The following ENO4 variants were observed in gnomAD, a reference collection of about 807,000 sequenced individuals.
ENO4 encodes the protein enolase 4, also known as 2-phospho-D-glycerate hydro-lyase.
Under a neutral mutation model 63.2 loss-of-function variants are expected in ENO4, and 53 were observed. The observed-to-expected ratio is 0.84, with a 90% CI of 0.67 to 1.05. The LOEUF (loss-of-function observed/expected upper bound fraction) is 1.05, where lower values mean the gene tolerates loss of function less well. Among genes scored for constraint, ENO4 ranks in the 50% least tolerant of loss-of-function variants. ENO4 has a pLI of 0.00. For synonymous variants in ENO4, 266 were observed against 283.8 expected, an observed-to-expected ratio of 0.94 and a Z score of 0.63; for missense variants, 719 against 772.0, an observed-to-expected ratio of 0.93 and a Z score of 0.81.
In ENO4 at chr10:116,876,115, C is replaced by T. The variant is rs1406323842; in HGVS notation, c.1392C>T (p.Tyr464=). ...SIYHALGSRC[Y]IIAGTASKSI... Reference sequence around the variant, plus strand: ...ATCACGCACTTGGTTCCAGGTGTTACATAATTGCAGGAACTGCTTCCAAAA... The same window carrying T: ...ATCACGCACTTGGTTCCAGGTGTTATATAATTGCAGGAACTGCTTCCAAAA... Residue 464 remains tyrosine, a synonymous_variant, in exon 11 of 14, where the codon TAC becomes TAT. Transcript: ENST00000341276. The T allele has an allele frequency of 1.9e-6, 3 of 1,550,528 alleles. No homozygotes were observed. Among genetic ancestry groups the T allele is most frequent in the Non-Finnish European group, 8.7e-7 (1 of 1,146,952 alleles).
At chr10:116,886,602 G>T (rs1238092726), downstream of ENO4, 1 of 1,609,638 alleles carries the variant, frequency 6.2e-7, no homozygotes. Context: ...AAAGTAAAAA[G>T]CAGAGAGAGA....
chr10:116,849,759 C>T (rs1036609723), intron 1 of ENO4, 28 bp downstream of exon 1: 24 of 1,476,708 alleles, frequency 1.6e-5, no homozygotes, highest in Non-Finnish European at 1.7e-5. Context: ...GCGCTCTCCT[C>T]CCGCCAACCC....
chr10:116,875,968 G>GA, intron 10 of ENO4, 97 bp from the exon 11 acceptor site: 1 of 949,772 alleles, frequency 1.1e-6, no homozygotes, highest in South Asian at 2.4e-5. Context: ...TGCATCTCAG[G>GA]AAAAATGTGT....
Position 116,909,990 on chromosome 10 carries a change from C to T in ENO4, c.1195-1509C>T, listed in dbSNP as rs575513712. 3.3e-5 allele frequency among the ~76,000 whole-genome samples: 5 copies of T among 152,230 alleles called. No individual in the cohort carries two copies. The East Asian group carries it at 9.7e-4, about 29-fold the overall frequency. ...ACATGCCATGATTGTGAGGTTGGGA[C>T]CATGTGCTTTACAGGGTACTAACTT... On this transcript the variant is annotated intron_variant, in intron 10 of 10. Coordinates refer to the ENO4 transcript ENST00000369207.
At chr10:116,903,372 G>C (rs1041666139) in intron 10 of ENO4, among the ~76,000 whole-genome samples, 1 of 151,962 alleles carries the variant, frequency 6.6e-6, no homozygotes, top group Non-Finnish European at 1.5e-5. Flanking sequence ...GTCTCTACTA[G>C]AAATCAGCCA....
In ENO4 at chr10:116,861,100, G is replaced by T; in HGVS notation, c.846G>T (p.Ser282=). 6.5e-7 allele frequency: 1 copy of T among 1,549,068 alleles called. No homozygotes were observed. The highest frequency in any genetic ancestry group is 8.7e-7 in the Non-Finnish European group (1 of 1,146,210). The change falls in exon 6 of 14, where the codon TCG becomes TCT. Residue 282 remains serine, a synonymous_variant. Coordinates refer to ENST00000341276, the MANE Select transcript of ENO4 (RefSeq NM_001242699.2). ...TATCTATGCCTTTGCTGATGGTATC[G>T]CTGGTCAGCTGTGGGAAGTCATCAT... The part of the protein sequence containing the change: ...TTLSMPLLMV[S]LVSCGKSSSG...
downstream of ENO4, chr10:116,884,553 GAAA>G (rs1239022188): frequency 3.6e-6 from 1 of 279,872 alleles, no homozygotes; most frequent in African/African-American, 2.2e-5. Flanking sequence ...ATGGTGTGAT[GAAA>G]TATGGAAAGA....
In ENO4 at chr10:116,856,595, C is replaced by A. The variant is rs569610808; in HGVS notation, c.398C>A (p.Thr133Asn). The A allele has an allele frequency of 1.4e-5, 22 of 1,536,072 alleles. No homozygotes were observed. The highest frequency in any genetic ancestry group is 1.7e-4 in the Middle Eastern group (1 of 6,012). ...EEAERASAVS[T>N]AVQWVNSTIT... The stretch of plus-strand genomic sequence containing the variant: ...GCAGAGAGGGCCAGCGCGGTGAGCA[C>A]CGCCGTGCAGTGGGTCAACAGCACC... The change falls in exon 3 of 14, where the codon ACC becomes AAC. Residue 133 changes from threonine to asparagine, a missense_variant. This residue lies in a region of ENO4 where 544 missense variants were observed against 583.6 expected (regional missense o/e 0.93). Transcript: ENST00000341276.
chr10:116,901,665 C>A, intron 10 of ENO4: 2 of 1,355,864 alleles, frequency 1.5e-6, no homozygotes, highest in Non-Finnish European at 1.9e-6. Context: ...TACCGGCGAG[C>A]CAATCAAAAT....
downstream of ENO4, chr10:116,883,177 G>A (rs957494652): frequency 5.9e-5 from 9 of 152,082 alleles, no homozygotes; most frequent in Middle Eastern, 3.2e-3. Context: ...ACCTATCCTC[G>A]AGACTGCACT....
In ENO4 at chr10:116,861,097, A is replaced by G. The variant is rs762287866; in HGVS notation, c.843A>G (p.Val281=). The stretch of plus-strand genomic sequence containing the variant: ...CGCTATCTATGCCTTTGCTGATGGT[A>G]TCGCTGGTCAGCTGTGGGAAGTCAT... The part of the protein sequence containing the change: ...PTTLSMPLLM[V]SLVSCGKSSS... The change falls in exon 6 of 14, where the codon GTA becomes GTG. Residue 281 remains valine, a synonymous_variant. Coordinates refer to ENST00000341276, the MANE Select transcript of ENO4 (RefSeq NM_001242699.2). 747 of 1,549,614 alleles carry G rather than the reference A, an allele frequency of 4.8e-4. 1 individual carries two copies. Among genetic ancestry groups the G allele is most frequent in the Non-Finnish European group, 6.0e-4 (683 of 1,146,534 alleles).
chr10:116,897,196 C>T (rs999202583), intron 10 of ENO4, among the ~76,000 whole-genome samples: 2 of 152,152 alleles, frequency 1.3e-5, no homozygotes, highest in African/African-American at 4.8e-5. Flanking sequence ...ATGTTGGCCC[C>T]TAAGAGTACT....
At chr10:116,861,000 A>T (rs2133255326) in intron 5 of ENO4, 37 bp downstream of exon 5, 1 of 1,525,962 alleles carries the variant, frequency 6.6e-7, no homozygotes, top group South Asian at 1.2e-5. Flanking sequence ...AGGAGCCATG[A>T]GTATCTCAAT....
intron 10 of ENO4, among the ~76,000 whole-genome samples, chr10:116,891,041 ACGTG>A (rs1378823466): frequency 6.6e-6 from 1 of 152,214 alleles, no homozygotes; most frequent in East Asian, 1.9e-4. Flanking sequence ...GCCCTAATAG[ACGTG>A]GTTCTGAGCT....
intron 10 of ENO4, among the ~76,000 whole-genome samples, chr10:116,903,587 G>A (rs1394752759): frequency 6.6e-6 from 1 of 152,060 alleles, no homozygotes; most frequent in Non-Finnish European, 1.5e-5. Flanking sequence ...ATGGAGCTGT[G>A]GCAGTTACGA....
chr10:116,875,677 A>G (rs1353071448), intron 10 of ENO4, among the ~76,000 whole-genome samples: 1 of 152,194 alleles, frequency 6.6e-6, no homozygotes, highest in South Asian at 2.1e-4. Flanking sequence ...AAGGGACTAG[A>G]GCCCTTGCAG....
chr10:116,906,603 T>C (rs1411156445), intron 10 of ENO4: 3 of 1,602,190 alleles, frequency 1.9e-6, no homozygotes, highest in Non-Finnish European at 1.7e-6. Context: ...AGAGAAGGAC[T>C]GTGGAGAATT....
Position 116,894,404 on chromosome 10 carries a change from G to A in ENO4, c.1194+14418G>A, listed in dbSNP as rs529021863. On this transcript the variant is annotated intron_variant, in intron 10 of 10. Transcript: ENST00000369207. Reference sequence around the variant, plus strand: ...GTAACCTCTTTTGACTCCCCCAAACGAAAAAGCAAACTGCCTGTCTGGCAG... The same window carrying A: ...GTAACCTCTTTTGACTCCCCCAAACAAAAAAGCAAACTGCCTGTCTGGCAG... Among the ~76,000 whole-genome samples the A allele has an allele frequency of 1.2e-4, 18 of 152,160 alleles. No homozygotes were observed. The South Asian group carries it at 1.7e-3, about 14-fold the overall frequency.
chr10:116,861,339 G>A (rs1200550499), intron 6 of ENO4, 149 bp downstream of exon 6: 3 of 239,122 alleles, frequency 1.3e-5, no homozygotes, highest in Admixed American at 5.9e-5. Flanking sequence ...GAAGTGGGAA[G>A]AAAGACCTCA....
Sources: gnomAD v4.1 joint callset for allele counts (sites outside exome capture counted in the v4.1 genomes callset) on GRCh38, gnomAD v4.1.1 for gene constraint, gnomAD v4.1.1 regional missense constraint, MANE v1.5 for transcripts, NCBI Gene and HGNC (gene_info 2026-07-23, HGNC 2026-07-21) for gene names.